PDZD4: variants seen among roughly 807,000 people sequenced by gnomAD.
PDZD4 encodes PDZ domain-containing protein 4.
A neutral mutation model predicts 38.5 loss-of-function variants in PDZD4; 9 were observed. The ratio of observed to expected loss-of-function variants is 0.23; its 90% CI spans 0.14 to 0.41. The LOEUF is 0.41. Among genes scored for constraint, PDZD4 ranks in the 10% least tolerant of loss-of-function variants. The probability of loss-of-function intolerance (pLI) is 1.00; values close to 1 mark genes in which losing one functional copy is unlikely to be tolerated. For synonymous variants in PDZD4, 349 were observed against 315.7 expected (o/e 1.11, Z -1.12); for missense variants, 612 against 722.0 (o/e 0.85, Z 1.75).
intron 1 of PDZD4, among the ~76,000 whole-genome samples, chrX:153,813,402 T>C (rs1192160438): frequency 1.8e-5 from 2 of 111,351 alleles, no homozygotes; most frequent in Non-Finnish European, 3.8e-5. Context: ...AGCCATGAGA[T>C]GAGAGGAGAT....
At chrX:153,805,366 G>C in intron 6 of PDZD4, 139 bp downstream of exon 6, 1 of 665,249 alleles carries the variant, frequency 1.5e-6, no homozygotes, top group Non-Finnish European at 2.3e-6. Context: ...GAGGGGAAAC[G>C]GGCCCTGAGA....
At chrX:153,825,761 G>A (rs1291995305) in intron 1 of PDZD4, among the ~76,000 whole-genome samples, 2 of 112,195 alleles carry the variant, frequency 1.8e-5, no homozygotes, top group Non-Finnish European at 3.8e-5. Context: ...TCCTTACCCT[G>A]ATAAAGGACA....
intron 1 of PDZD4, among the ~76,000 whole-genome samples, chrX:153,809,009 G>A (rs782058520): frequency 4.4e-5 from 5 of 112,882 alleles, no homozygotes; most frequent in Non-Finnish European, 9.4e-5. Flanking sequence ...GGCAATGACT[G>A]GACCATAACA....
chrX:153,810,333 T>C (rs1320738598), intron 1 of PDZD4, among the ~76,000 whole-genome samples: 1 of 111,966 alleles, frequency 8.9e-6, no homozygotes, highest in Admixed American at 9.4e-5. Context: ...CACGCCTCGG[T>C]GGGAGGCGGG....
At position 153,803,477 on chromosome X, in the gene PDZD4, A is replaced by G; in HGVS notation, c.2204T>C (p.Met735Thr). The G allele has an allele frequency of 8.6e-7, 1 of 1,161,169 alleles. No homozygotes were observed. Among genetic ancestry groups the G allele is most frequent in the East Asian group, 3.0e-5 (1 of 33,120 alleles). ...NIIALSHRKT[M>T]KKRNKKILDN... Reference sequence around the variant, plus strand: ...CAGGATCTTCTTGTTCCGCTTCTTCATGGTTTTGCGGTGGCTCAGGGCAAT... The same window carrying G: ...CAGGATCTTCTTGTTCCGCTTCTTCGTGGTTTTGCGGTGGCTCAGGGCAAT... Residue 735 changes from methionine to threonine, a missense_variant, in exon 8 of 8, where the codon ATG becomes ACG. By Grantham distance (81) the Met-to-Thr change is moderately conservative (BLOSUM62 -1). Transcript: ENST00000393758.
At chrX:153,814,449 G>C (rs895016317) in intron 1 of PDZD4, among the ~76,000 whole-genome samples, 2 of 104,454 alleles carry the variant, frequency 1.9e-5, no homozygotes, top group Non-Finnish European at 3.9e-5. Flanking sequence ...ACTCCAGCCT[G>C]GGCAACAGAG....
At chrX:153,807,177 G>T in intron 3 of PDZD4, 102 bp downstream of exon 3, 1 of 858,667 alleles carries the variant, frequency 1.2e-6, no homozygotes, top group Non-Finnish European at 1.6e-6. Context: ...AGCCAGATGC[G>T]TGCCAGGAGG....
intron 4 of PDZD4, 46 bp downstream of exon 4, chrX:153,806,696 G>A: frequency 8.9e-7 from 1 of 1,123,635 alleles, no homozygotes; most frequent in Non-Finnish European, 1.2e-6. Flanking sequence ...GCCACAGGCA[G>A]GCCATGTGGA....
intron 1 of PDZD4, among the ~76,000 whole-genome samples, chrX:153,819,348 A>G (rs782808899): frequency 0.013 from 1,523 of 112,993 alleles, 12 homozygotes; most frequent in Middle Eastern, 0.037. Context: ...GGAAGCCGAG[A>G]AGAGAGGCCG....
At position 153,804,438 on chromosome X, in the gene PDZD4, G is replaced by C; in HGVS notation, c.1243C>G (p.Leu415Val). 1 of 1,209,988 alleles carries C rather than the reference G, an allele frequency of 8.3e-7. No homozygotes were observed. Among genetic ancestry groups the C allele is most frequent in the Non-Finnish European group, 1.1e-6 (1 of 895,461 alleles). The change falls in exon 8 of 8, where the codon CTG (leucine) becomes GTG (valine). Residue 415 changes from leucine (L) to valine (V), a missense_variant. This residue lies in a region of PDZD4 where 300 missense variants were observed against 284.6 expected (regional missense o/e 1.05). Coordinates refer to ENST00000393758, the MANE Select transcript of PDZD4 (RefSeq NM_001303512.2). Reference sequence around the variant, plus strand: ...AGTATGTTGCGGCACTTGAATTCCAGGTGCCTTAGCTCCTCCTCCAGCATG... The same window carrying C: ...AGTATGTTGCGGCACTTGAATTCCACGTGCCTTAGCTCCTCCTCCAGCATG... ...MAMLEEELRH[L>V]EFKCRNILRA...
rs896514388 is a variant in PDZD4, at chrX:153,804,148, G to A, written c.1533C>T (p.Thr511=). The change falls in exon 8 of 8, where the codon ACC becomes ACT. Residue 511 remains threonine, a synonymous_variant. Transcript: ENST00000393758. ...GGGTGGCAACAGCGGGGCCGGGAGG[G>A]GTCCGGTTCAAGTTGGAGTTGCCGG... ...AMAGNSNLNR[T]PPGPAVATPA... The A allele has an allele frequency of 2.6e-6, 3 of 1,157,701 alleles. No homozygotes were observed. The highest frequency in any genetic ancestry group is 2.6e-5 in the Admixed American group (1 of 38,988).
intron 2 of PDZD4, 61 bp downstream of exon 2, chrX:153,808,281 C>T (rs1557077805): frequency 2.5e-5 from 29 of 1,138,878 alleles, no homozygotes; most frequent in South Asian, 4.2e-5. Flanking sequence ...TGCGGATGGC[C>T]GCTCCAGGTG....
chrX:153,807,482 G>T, intron 2 of PDZD4, 113 bp from the exon 3 acceptor site: 1 of 785,828 alleles, frequency 1.3e-6, no homozygotes, highest in Non-Finnish European at 1.8e-6. Context: ...CTCTGCTTGT[G>T]CTCTCAAGGG....
chrX:153,824,859 A>C (rs1238081607), intron 1 of PDZD4, among the ~76,000 whole-genome samples: 4 of 111,750 alleles, frequency 3.6e-5, no homozygotes, highest in Non-Finnish European at 7.5e-5. Context: ...TTAGCCAGGC[A>C]TGGTGGCGCA....
rs782291545 is a variant in PDZD4, at chrX:153,813,587, G to C, written c.61-4992C>G. Reference sequence around the variant, plus strand: ...GGAGGCTCATTCGTAGTATGTACTTGGTGGAAAACACGGCAGAGAGGCGAG... The same window carrying C: ...GGAGGCTCATTCGTAGTATGTACTTCGTGGAAAACACGGCAGAGAGGCGAG... On this transcript the variant is annotated intron_variant, in intron 1 of 7. Transcript: ENST00000393758. 1.6e-4 allele frequency among the ~76,000 whole-genome samples: 18 copies of C among 112,744 alleles called. No individual in the cohort carries two copies. In the South Asian group the frequency reaches 5.1e-3, roughly 32 times the overall value.
rs2092186307 is a variant in PDZD4 at position 153,803,299 on chromosome X, G to A, written c.*54C>T. The A allele has an allele frequency of 9.6e-7, 1 of 1,038,600 alleles. No individual in the cohort carries two copies. Among genetic ancestry groups the A allele is most frequent in the South Asian group, 2.5e-5 (1 of 40,603 alleles). The allele number at this position is 1,038,600 out of a possible 1,213,427, so 85.6% of individuals were successfully genotyped here. A position where few individuals can be genotyped will look rare whatever the true frequency, so the allele number is the denominator to read the frequency against. On this transcript the variant is annotated 3_prime_UTR_variant, in exon 8 of 8. Coordinates refer to ENST00000393758, the MANE Select transcript of PDZD4 (RefSeq NM_001303512.2). ...CACACAATCTCTATAGGAGAGTGAGGGCCGGGGCCCCAGGGGGTTCCCTGG... is the reference window on the plus strand; with the variant it reads ...CACACAATCTCTATAGGAGAGTGAGAGCCGGGGCCCCAGGGGGTTCCCTGG...
intron 1 of PDZD4, among the ~76,000 whole-genome samples, chrX:153,809,780 C>T (rs2064290729): frequency 8.9e-6 from 1 of 112,937 alleles, no homozygotes; most frequent in Admixed American, 9.3e-5. Context: ...TGAGCCAGGA[C>T]AGGCTGCCCG....
intron 1 of PDZD4, among the ~76,000 whole-genome samples, chrX:153,820,433 T>C (rs2064411684): frequency 9.7e-6 from 1 of 102,581 alleles, no homozygotes; most frequent in Non-Finnish European, 2.0e-5. Flanking sequence ...GGCAGGAGAA[T>C]TGATTGAACC....
At chrX:153,825,436 C>T (rs2064471273) in intron 1 of PDZD4, among the ~76,000 whole-genome samples, 1 of 112,494 alleles carries the variant, frequency 8.9e-6, no homozygotes, top group South Asian at 3.7e-4. Flanking sequence ...GGGACATGGG[C>T]TGCAGAAAAG....
Sources: gnomAD v4.1 joint callset for allele counts (sites outside exome capture counted in the v4.1 genomes callset) on GRCh38, gnomAD v4.1.1 for gene constraint, gnomAD v4.1.1 regional missense constraint, MANE v1.5 for transcripts, NCBI Gene and HGNC (gene_info 2026-07-23, HGNC 2026-07-21) for gene names.